The following MEOX2 variants were observed in gnomAD, a reference collection of about 807,000 sequenced individuals.
The protein encoded by MEOX2 is homeobox protein MOX-2.
Under a neutral mutation model 27.0 loss-of-function variants are expected in MEOX2, and 11 were observed. The ratio of observed to expected loss-of-function variants is 0.41; its 90% confidence interval spans 0.26 to 0.68. The LOEUF is 0.68. MEOX2 is among the 30% of genes least tolerant of loss of function. The pLI is 0.33. For synonymous variants in MEOX2, 189 were observed against 155.4 expected (o/e 1.22, Z -1.61); for missense variants, 436 against 385.4 (o/e 1.13, Z -1.10).
intron 1 of MEOX2, among the ~76,000 whole-genome samples, chr7:15,683,727 C>T (rs917438): frequency 0.53 from 80,628 of 151,934 alleles, 22,018 homozygotes; most frequent in African/African-American, 0.66. Flanking sequence ...TAAACAGAAA[C>T]TATTGTGATT....
intron 1 of MEOX2, among the ~76,000 whole-genome samples, chr7:15,670,766 T>C (rs1435428745): frequency 1.3e-5 from 2 of 152,216 alleles, no homozygotes; most frequent in Non-Finnish European, 2.9e-5. Flanking sequence ...ACATCTGTAA[T>C]ATTTGTTGAG....
chr7:15,649,048 C>T (rs769638768), intron 1 of MEOX2, among the ~76,000 whole-genome samples: 2 of 152,088 alleles, frequency 1.3e-5, no homozygotes, highest in Non-Finnish European at 2.9e-5. Flanking sequence ...AGCAAGTCAC[C>T]ATCTCCAGGA....
chr7:15,667,289 C>CAAAAAAAAAAAAAAAA (rs532691969), intron 1 of MEOX2, among the ~76,000 whole-genome samples: 720 of 40,942 alleles, frequency 0.018, 138 homozygotes, highest in East Asian at 0.026. Context: ...GACTCTGTCT[C>CAAAAAAAAAAAAAAAA]AAAAAAAAAA....
chr7:15,646,619 C>T (rs536639030), intron 1 of MEOX2, among the ~76,000 whole-genome samples: 1 of 151,886 alleles, frequency 6.6e-6, no homozygotes, highest in Non-Finnish European at 1.5e-5. Flanking sequence ...ATGAAAATGT[C>T]TTCTTAAAAG....
chr7:15,676,377 C>A (rs1782192249), intron 1 of MEOX2, among the ~76,000 whole-genome samples: 1 of 152,136 alleles, frequency 6.6e-6, no homozygotes, highest in Admixed American at 6.6e-5. Flanking sequence ...GCAACTGGAA[C>A]TGCTAAAAAT....
At chr7:15,655,098 T>C (rs1274564010) in intron 1 of MEOX2, among the ~76,000 whole-genome samples, 3 of 151,646 alleles carry the variant, frequency 2.0e-5, no homozygotes, top group Non-Finnish European at 3.0e-5. Flanking sequence ...TCATATTGGG[T>C]GAATTGCACT....
chr7:15,617,406 G>T (rs1442450746), intron 2 of MEOX2, among the ~76,000 whole-genome samples: 5 of 151,992 alleles, frequency 3.3e-5, no homozygotes, highest in African/African-American at 9.7e-5. Flanking sequence ...TCATGGCAGT[G>T]TATCTAGTAA....
At chr7:15,683,487 T>C (rs553761046) in intron 1 of MEOX2, among the ~76,000 whole-genome samples, 1 of 152,214 alleles carries the variant, frequency 6.6e-6, no homozygotes, top group East Asian at 1.9e-4. Context: ...ATGAGAGATA[T>C]ACGTATTAAT....
intron 1 of MEOX2, among the ~76,000 whole-genome samples, chr7:15,653,649 T>C (rs2115378639): frequency 6.6e-6 from 1 of 152,132 alleles, no homozygotes; most frequent in South Asian, 2.1e-4. Context: ...TTGATTTAAT[T>C]TTTGTATAAG....
chr7:15,672,771 A>C (rs139356002), intron 1 of MEOX2, among the ~76,000 whole-genome samples: 3,199 of 152,134 alleles, frequency 0.021, 125 homozygotes, highest in African/African-American at 0.074. Flanking sequence ...ACGTGCCTGT[A>C]GTCCCAGCTA....
At chr7:15,647,660 T>C (rs1460241634) in intron 1 of MEOX2, among the ~76,000 whole-genome samples, 2 of 152,092 alleles carry the variant, frequency 1.3e-5, no homozygotes, top group South Asian at 2.1e-4. Context: ...CAATGCTAGA[T>C]GGCTGAAACT....
At chr7:15,658,621 T>C (rs1242607997) in intron 1 of MEOX2, among the ~76,000 whole-genome samples, 1 of 152,196 alleles carries the variant, frequency 6.6e-6, no homozygotes, top group Non-Finnish European at 1.5e-5. Flanking sequence ...TGTTGAAATC[T>C]CTAATCCCCA....
At chr7:15,638,852 T>C (rs935614836) in intron 1 of MEOX2, among the ~76,000 whole-genome samples, 4 of 152,156 alleles carry the variant, frequency 2.6e-5, no homozygotes, top group Non-Finnish European at 5.9e-5. Context: ...ATGGTGCATA[T>C]ATATCACAAT....
intron 1 of MEOX2, among the ~76,000 whole-genome samples, chr7:15,676,992 C>A (rs1283262447): frequency 1.3e-5 from 2 of 152,094 alleles, no homozygotes; most frequent in Non-Finnish European, 2.9e-5. Flanking sequence ...GTAAAAGAGG[C>A]TGTGGAATGG....
rs902321334 is a variant in MEOX2, at chr7:15,672,688, C to T, written c.517+13198G>A. Among the ~76,000 whole-genome samples, 17 of 152,076 alleles carry T rather than the reference C, an allele frequency of 1.1e-4. No individual in the cohort carries two copies. The South Asian group carries it at 2.3e-3, about 20-fold the overall frequency. ...TGGGCGGATCATGAGGTCAGGAGAT[C>T]AAGACCATCCTGGCTAAAATGGTGA... On this transcript the variant is annotated intron_variant, in intron 1 of 2. Transcript: ENST00000262041.
At chr7:15,659,735 G>C (rs1001729763) in intron 1 of MEOX2, among the ~76,000 whole-genome samples, 2 of 146,066 alleles carry the variant, frequency 1.4e-5, no homozygotes, top group African/African-American at 5.2e-5. Flanking sequence ...ACTCCAGCCT[G>C]GGTGACAGAG....
rs994591068 is a variant in MEOX2 at position 15,613,680 on chromosome 7, ATTTG to A, written c.691-1073_691-1070del. Reference sequence around the variant, plus strand: ...TATTAAAACTATACTCTTTAATTTTATTTGTTTGTTAGGTTTATCAATGGAATGT... The same window carrying A: ...TATTAAAACTATACTCTTTAATTTTATTTGTTAGGTTTATCAATGGAATGT... On this transcript the variant is annotated intron_variant, in intron 2 of 2. Transcript: ENST00000262041. Among the ~76,000 whole-genome samples, 26 of 152,160 alleles carry A rather than the reference ATTTG, an allele frequency of 1.7e-4. 1 individual carries two copies. Among genetic ancestry groups the A allele is most frequent in the Admixed American group, 4.6e-4 (7 of 15,290 alleles).
At chr7:15,670,860 T>A (rs1308939527) in intron 1 of MEOX2, among the ~76,000 whole-genome samples, 1 of 152,206 alleles carries the variant, frequency 6.6e-6, no homozygotes, top group Non-Finnish European at 1.5e-5. Context: ...ACTTTTCAAC[T>A]GAGAAACAAG....
At chr7:15,613,995 G>C (rs557808766) in intron 2 of MEOX2, among the ~76,000 whole-genome samples, 15 of 151,346 alleles carry the variant, frequency 9.9e-5, no homozygotes, top group Non-Finnish European at 1.8e-4. Flanking sequence ...CCTTTTCTTA[G>C]AGTGTCTTTT....
Sources: gnomAD v4.1 joint callset for allele counts (sites outside exome capture counted in the v4.1 genomes callset) on GRCh38, gnomAD v4.1.1 for gene constraint, MANE v1.5 for transcripts, NCBI Gene and HGNC (gene_info 2026-07-23, HGNC 2026-07-21) for gene names.